EEPD1: variants seen among roughly 807,000 people sequenced by gnomAD.
EEPD1 encodes endonuclease/exonuclease/phosphatase family domain-containing protein 1.
A neutral mutation model predicts 46.3 loss-of-function variants in EEPD1; 17 were observed. The ratio of observed to expected loss-of-function variants is 0.37; its 90% confidence interval spans 0.25 to 0.55. The LOEUF (loss-of-function observed/expected upper bound fraction) is 0.55, where lower values mean the gene tolerates loss of function less well. Ranked by LOEUF, EEPD1 falls within the 20% of genes least tolerant of loss-of-function variation. The pLI, the probability that EEPD1 is intolerant of heterozygous loss-of-function variation, is 0.83. For synonymous variants in EEPD1, 313 were observed against 315.6 expected (o/e 0.99, Z 0.09); for missense variants, 673 against 745.6 (o/e 0.90, Z 1.13).
intron 2 of EEPD1, among the ~76,000 whole-genome samples, chr7:36,200,139 C>T (rs1418399525): frequency 6.6e-6 from 1 of 151,878 alleles, no homozygotes; most frequent in Non-Finnish European, 1.5e-5. Context: ...TCCCACTCTC[C>T]ATCCTCAAGT....
At chr7:36,204,696 G>A (rs1047335405) in intron 2 of EEPD1, among the ~76,000 whole-genome samples, 3 of 152,220 alleles carry the variant, frequency 2.0e-5, no homozygotes, top group African/African-American at 7.2e-5. Context: ...CACCTGGGCT[G>A]CAGAGCCTGG....
intron 2 of EEPD1, among the ~76,000 whole-genome samples, chr7:36,204,400 A>ATGCCTTGATAAT (rs1785773871): frequency 6.6e-6 from 1 of 151,098 alleles, no homozygotes; most frequent in Admixed American, 6.6e-5. Context: ...AATTTATCTA[A>ATGCCTTGATAAT]GAACAGCAGC....
intron 3 of EEPD1, among the ~76,000 whole-genome samples, chr7:36,273,733 T>C (rs1445165300): frequency 1.3e-5 from 2 of 152,144 alleles, no homozygotes; most frequent in Non-Finnish European, 2.9e-5. Context: ...CCCCCATCCC[T>C]TTGCTTAACA....
In EEPD1 at chr7:36,293,209, A is replaced by G. The variant is rs145010582; in HGVS notation, c.1316-3784A>G. 1.3e-3 allele frequency among the ~76,000 whole-genome samples: 193 copies of G among 152,364 alleles called. 4 individuals carry two copies. In the East Asian group the frequency reaches 0.018, roughly 14 times the overall value. Reference sequence around the variant, plus strand: ...AGAAATGTGGTGGTAAAGTGAAGAAAATAATAAGACTTCAGTGAAGAATTT... The same window carrying G: ...AGAAATGTGGTGGTAAAGTGAAGAAGATAATAAGACTTCAGTGAAGAATTT... On this transcript the variant is annotated intron_variant, in intron 6 of 7. Coordinates refer to ENST00000242108, the MANE Select transcript of EEPD1 (RefSeq NM_030636.3).
chr7:36,245,752 G>T (rs1482388872), intron 3 of EEPD1, among the ~76,000 whole-genome samples: 1 of 152,220 alleles, frequency 6.6e-6, no homozygotes, highest in African/African-American at 2.4e-5. Flanking sequence ...GTCAGTGCAT[G>T]TGACATTGGT....
At chr7:36,235,927 CTT>C (rs35122231) in intron 2 of EEPD1, among the ~76,000 whole-genome samples, 19 of 138,520 alleles carry the variant, frequency 1.4e-4, no homozygotes, top group African/African-American at 1.9e-4. Flanking sequence ...GAACTTTTTC[CTT>C]TTTTTTTTTT....
chr7:36,182,711 T>G (rs1416726422), intron 2 of EEPD1, among the ~76,000 whole-genome samples: 1 of 152,218 alleles, frequency 6.6e-6, no homozygotes, highest in Non-Finnish European at 1.5e-5. Flanking sequence ...AAGTCAGGAT[T>G]GGAACTCCTG....
chr7:36,195,586 T>G (rs1785566469), intron 2 of EEPD1, among the ~76,000 whole-genome samples: 1 of 152,072 alleles, frequency 6.6e-6, no homozygotes, highest in Non-Finnish European at 1.5e-5. Context: ...TTAAAAGAGT[T>G]GGGGTGGGGG....
At chr7:36,180,091 A>G (rs1298359179) in intron 2 of EEPD1, among the ~76,000 whole-genome samples, 2 of 152,248 alleles carry the variant, frequency 1.3e-5, no homozygotes, top group Non-Finnish European at 2.9e-5. Context: ...TGCAGGAGCT[A>G]GAGAGCAGTA....
At chr7:36,235,136 T>C (rs910959236) in intron 2 of EEPD1, among the ~76,000 whole-genome samples, 228 of 72,962 alleles carry the variant, frequency 3.1e-3, no homozygotes, top group South Asian at 4.7e-3. Context: ...AGGCCTCCCC[T>C]ACAGCCTCCA....
chr7:36,167,851 G>A lies in EEPD1; in HGVS notation c.878+12649G>A, dbSNP rs555315204. Among the ~76,000 whole-genome samples, 4 of 152,194 alleles carry A rather than the reference G, an allele frequency of 2.6e-5. No individual in the cohort carries two copies. In the East Asian group the frequency reaches 7.7e-4, roughly 29 times the overall value. ...CTGCCTCAGCCTGCCGAGTAGCTGG[G>A]ATACAGGCACGCGCCACCACGCCTG... On this transcript the variant is annotated intron_variant, in intron 2 of 7. Transcript: ENST00000242108.
intron 3 of EEPD1, among the ~76,000 whole-genome samples, chr7:36,275,448 T>A (rs1250024593): frequency 6.6e-6 from 1 of 152,008 alleles, no homozygotes; most frequent in Non-Finnish European, 1.5e-5. Flanking sequence ...TATTATTATT[T>A]TTATTTATTT....
chr7:36,164,816 G>A (rs1374514343), intron 2 of EEPD1, among the ~76,000 whole-genome samples: 1 of 152,174 alleles, frequency 6.6e-6, no homozygotes, highest in African/African-American at 2.4e-5. Context: ...GTAAGCCTAG[G>A]ATAATGTGTG....
At chr7:36,166,427 T>A (rs1217074841) in intron 2 of EEPD1, among the ~76,000 whole-genome samples, 1 of 152,182 alleles carries the variant, frequency 6.6e-6, no homozygotes, top group Non-Finnish European at 1.5e-5. Flanking sequence ...CACTTAATTG[T>A]GAAAATCAGG....
rs1182719085 is a variant in EEPD1 at position 36,289,661 on chromosome 7, A to AT, written c.1315+1890dup. Among the ~76,000 whole-genome samples, 6 of 152,114 alleles carry AT rather than the reference A, an allele frequency of 3.9e-5. No homozygotes were observed. In the South Asian group the frequency reaches 6.2e-4, roughly 16 times the overall value. ...AGGCGCCCGCCACCGCGCCTGGCTAATTTTTTGTATTTTTAGTAGAGACGG... is the reference window on the plus strand; with the variant it reads ...AGGCGCCCGCCACCGCGCCTGGCTAATTTTTTTGTATTTTTAGTAGAGACGG... On this transcript the variant is annotated intron_variant, in intron 6 of 7. Coordinates refer to ENST00000242108, the MANE Select transcript of EEPD1 (RefSeq NM_030636.3).
chr7:36,209,287 A>G (rs973334296), intron 2 of EEPD1, among the ~76,000 whole-genome samples: 1 of 152,190 alleles, frequency 6.6e-6, no homozygotes, highest in Non-Finnish European at 1.5e-5. Context: ...TTAGTGATTC[A>G]GGTGTCTAAT....
chr7:36,243,911 G>T (rs551971718), intron 3 of EEPD1, among the ~76,000 whole-genome samples: 1 of 146,926 alleles, frequency 6.8e-6, no homozygotes, highest in African/African-American at 2.5e-5. Flanking sequence ...GTAGGGGGAG[G>T]GGGGAGGGAT....
At chr7:36,238,811 T>C (rs141500052) in intron 2 of EEPD1, among the ~76,000 whole-genome samples, 174 bp from the exon 3 acceptor site, 11 of 152,344 alleles carry the variant, frequency 7.2e-5, no homozygotes, top group Admixed American at 2.0e-4. Context: ...TAGAAGCATT[T>C]TAAATACTTT....
At chr7:36,174,131 G>A (rs1785137098) in intron 2 of EEPD1, among the ~76,000 whole-genome samples, 1 of 152,218 alleles carries the variant, frequency 6.6e-6, no homozygotes, top group East Asian at 1.9e-4. Context: ...CTGTGGCACT[G>A]GGGGCTTGGG....
Sources: allele counts gnomAD v4.1 joint callset (sites outside exome capture counted in the v4.1 genomes callset), GRCh38; gene constraint gnomAD v4.1.1; transcripts MANE v1.5; gene names NCBI Gene and HGNC (gene_info 2026-07-23, HGNC 2026-07-21).